The following DOCK10 variants were observed in gnomAD, a reference collection of about 807,000 sequenced individuals.
The protein encoded by DOCK10 is dedicator of cytokinesis protein 10.
Under a neutral mutation model 280.1 loss-of-function variants are expected in DOCK10, and 145 were observed. That is an observed-to-expected ratio of 0.52 (90% CI 0.45 to 0.59). DOCK10 has a LOEUF of 0.59. Among genes scored for constraint, DOCK10 ranks in the 20% least tolerant of loss-of-function variants. The pLI, the probability that DOCK10 is intolerant of heterozygous loss-of-function variation, is 0.00. For missense variants in DOCK10, 2,368 were observed against 2,651.7 expected (o/e 0.89, Z 2.35); for synonymous variants, 915 against 942.2 (o/e 0.97, Z 0.53).
intron 1 of DOCK10, among the ~76,000 whole-genome samples, chr2:224,947,576 C>T (rs964248713): frequency 2.0e-5 from 3 of 152,220 alleles, no homozygotes; most frequent in African/African-American, 7.2e-5. Context: ...AGAATGCACA[C>T]AGACATGGAC....
chr2:224,772,597 C>T (rs79301909), intron 53 of DOCK10, among the ~76,000 whole-genome samples: 2,393 of 152,294 alleles, frequency 0.016, 63 homozygotes, highest in African/African-American at 0.055. Context: ...GTGGTCACAC[C>T]GCCTGAGTGC....
At chr2:224,862,153 GT>G (rs1457685322) in intron 14 of DOCK10, 4 of 152,612 alleles carry the variant, frequency 2.6e-5, no homozygotes, top group African/African-American at 7.2e-5. Flanking sequence ...GAGGCAACTG[GT>G]ACTGATAAAT....
chr2:224,943,168 A>C (rs751867738), intron 1 of DOCK10, among the ~76,000 whole-genome samples: 1 of 152,232 alleles, frequency 6.6e-6, no homozygotes, highest in Non-Finnish European at 1.5e-5. Context: ...TTGATGATCT[A>C]ACATGACAAT....
rs1463515007 is a variant in DOCK10 at position 224,842,605 on chromosome 2, GCC to G, written c.2569-711_2569-710del. ...TGTGTGTGTGCGCGTGTGTGTGTGT[GCC>G]CTATTTTCTCTTTTCTAAGTGTAGC... On this transcript the variant is annotated intron_variant, in intron 22 of 55. Transcript: ENST00000258390. Among the ~76,000 whole-genome samples the G allele has an allele frequency of 3.0e-3, 454 of 152,184 alleles. 1 individual carries two copies. Among genetic ancestry groups the G allele is most frequent in the African/African-American group, 0.011 (438 of 41,524 alleles).
intron 1 of DOCK10, among the ~76,000 whole-genome samples, chr2:224,931,922 GC>G (rs1702408707): frequency 6.6e-6 from 1 of 152,074 alleles, no homozygotes; most frequent in Admixed American, 6.5e-5. Context: ...AGTCCCCAAG[GC>G]TCATGATACC....
Position 224,897,624 on chromosome 2 carries a change from C to T in DOCK10, c.334-1247G>A, listed in dbSNP as rs186871841. On this transcript the variant is annotated intron_variant, in intron 3 of 55. Coordinates refer to ENST00000258390, the MANE Select transcript of DOCK10 (RefSeq NM_014689.3). ...TTGAATTGTTTTCATTTTTGGATCC[C>T]ATAAGTAAGTAAGAACATGTGATGT... 3.3e-5 allele frequency among the ~76,000 whole-genome samples: 5 copies of T among 152,172 alleles called. No individual in the cohort carries two copies. In the East Asian group the frequency reaches 9.7e-4, roughly 29 times the overall value.
chr2:224,833,455 T>A (rs550460415), intron 26 of DOCK10, among the ~76,000 whole-genome samples: 10 of 150,340 alleles, frequency 6.7e-5, no homozygotes, highest in African/African-American at 2.5e-4. Context: ...CCTCTGAGCA[T>A]CCCCATGGCC....
At chr2:224,884,312 A>G (rs1416547633) in intron 7 of DOCK10, among the ~76,000 whole-genome samples, 1 of 152,212 alleles carries the variant, frequency 6.6e-6, no homozygotes, top group African/African-American at 2.4e-5. Context: ...AAGGGCCTCC[A>G]GGAGTGGTCT....
chr2:224,814,068 G>GA (rs1221129151), intron 31 of DOCK10, among the ~76,000 whole-genome samples: 2 of 152,102 alleles, frequency 1.3e-5, no homozygotes, highest in African/African-American at 4.8e-5. Context: ...ACAAATTAAG[G>GA]AAATTTCAGA....
intron 2 of DOCK10, among the ~76,000 whole-genome samples, chr2:224,927,189 G>A (rs2126002101): frequency 6.6e-6 from 1 of 152,210 alleles, no homozygotes; most frequent in Non-Finnish European, 1.5e-5. Flanking sequence ...GAGAGGATGA[G>A]CTTGGCAAGT....
At position 224,959,437 on chromosome 2, in the gene DOCK10, C is replaced by A. The variant is rs201230199; in HGVS notation, c.124-27769G>T. On this transcript the variant is annotated intron_variant, in intron 1 of 55. Coordinates refer to ENST00000258390, the MANE Select transcript of DOCK10 (RefSeq NM_014689.3). ...CCAAAAAATAAGCCTTTATTATTTT[C>A]TTTTTTTTTTTTTTTTTACCTCAAG... Among the ~76,000 whole-genome samples, 15 of 142,372 alleles carry A rather than the reference C, an allele frequency of 1.1e-4. No homozygotes were observed. In the East Asian group the frequency reaches 2.3e-3, roughly 22 times the overall value. The allele number at this position is 142,372 out of a possible 152,430, so 93.4% of individuals were successfully genotyped here. A position where few individuals can be genotyped will look rare whatever the true frequency, so the allele number is the denominator to read the frequency against.
At chr2:224,967,196 C>T (rs1326821941) in intron 1 of DOCK10, among the ~76,000 whole-genome samples, 1 of 151,960 alleles carries the variant, frequency 6.6e-6, no homozygotes, top group Non-Finnish European at 1.5e-5. Context: ...TCTTCTGCCT[C>T]AGCCTCCCGA....
intron 1 of DOCK10, among the ~76,000 whole-genome samples, chr2:224,981,219 G>A (rs928801291): frequency 6.6e-6 from 1 of 152,060 alleles, no homozygotes; most frequent in Non-Finnish European, 1.5e-5. Context: ...CCTAGTTCAA[G>A]AATAATATTG....
At chr2:224,998,083 A>C (rs1258592307) in intron 1 of DOCK10, among the ~76,000 whole-genome samples, 5 of 152,186 alleles carry the variant, frequency 3.3e-5, no homozygotes, top group Non-Finnish European at 5.9e-5. Flanking sequence ...ACTCAGGAAC[A>C]CATGCCCGTA....
At chr2:225,019,427 AAG>A (rs1161403817) in intron 1 of DOCK10, among the ~76,000 whole-genome samples, 1 of 148,908 alleles carries the variant, frequency 6.7e-6, no homozygotes, top group African/African-American at 2.5e-5. Context: ...TTCAAAGCTC[AAG>A]AGAGTGTGGT....
chr2:224,797,775 A>C (rs1429490630), intron 42 of DOCK10, 57 bp downstream of exon 42: 5 of 1,565,928 alleles, frequency 3.2e-6, no homozygotes, highest in Non-Finnish European at 4.3e-6. Context: ...TAGGTTTACT[A>C]TTCTATGGGT....
At chr2:225,025,184 T>C (rs1188639302) in intron 1 of DOCK10, among the ~76,000 whole-genome samples, 2 of 152,112 alleles carry the variant, frequency 1.3e-5, no homozygotes, top group Admixed American at 6.6e-5. Context: ...TGAGGAGATA[T>C]CGAGTGAGAA....
intron 39 of DOCK10, among the ~76,000 whole-genome samples, chr2:224,802,242 A>T (rs1337989624): frequency 6.6e-6 from 1 of 152,178 alleles, no homozygotes; most frequent in East Asian, 1.9e-4. Flanking sequence ...ATTTAAGCCA[A>T]AATAGTGTTC....
chr2:224,957,947 C>T (rs868197410), intron 1 of DOCK10, among the ~76,000 whole-genome samples: 2 of 152,322 alleles, frequency 1.3e-5, no homozygotes, highest in South Asian at 2.1e-4. Flanking sequence ...TGAGGATACA[C>T]GTTTCAAGCA....
Sources: allele counts gnomAD v4.1 joint callset (sites outside exome capture counted in the v4.1 genomes callset), GRCh38; gene constraint gnomAD v4.1.1; transcripts MANE v1.5; gene names NCBI Gene and HGNC (gene_info 2026-07-23, HGNC 2026-07-21).